The following SPATA22 variants were observed in gnomAD, a reference collection of about 807,000 sequenced individuals.
The protein encoded by SPATA22 is spermatogenesis-associated protein 22.
SPATA22 carries 29 observed loss-of-function variants against 47.8 expected under a neutral mutation model. The ratio of observed to expected loss-of-function variants is 0.61; its 90% CI spans 0.45 to 0.83. SPATA22 has a LOEUF of 0.83. SPATA22 is among the 40% of genes least tolerant of loss of function. The probability of loss-of-function intolerance (pLI) is 0.00; values close to 1 mark genes in which losing one functional copy is unlikely to be tolerated. For missense variants in SPATA22, 410 were observed against 421.7 expected (o/e 0.97, Z 0.24); for synonymous variants, 133 against 140.9 (o/e 0.94, Z 0.40).
intron 6 of SPATA22, among the ~76,000 whole-genome samples, chr17:3,447,606 G>A (rs1055587911): frequency 6.6e-6 from 1 of 152,088 alleles, no homozygotes; most frequent in African/African-American, 2.4e-5. Flanking sequence ...TTACCCCGAT[G>A]GCTTTTTGAA....
At chr17:3,502,518 A>T (rs2074002345) in intron 1 of SPATA22, 1 of 152,244 alleles carries the variant, frequency 6.6e-6, no homozygotes, top group African/African-American at 2.4e-5. Flanking sequence ...AAACTTCAGC[A>T]TTCGTTGCGA....
At chr17:3,458,263 CAAT>C (rs888437990) in intron 5 of SPATA22, among the ~76,000 whole-genome samples, 1 of 152,064 alleles carries the variant, frequency 6.6e-6, no homozygotes, top group Non-Finnish European at 1.5e-5. Flanking sequence ...ATCAAAACTA[CAAT>C]GATATATTAT....
At chr17:3,453,884 A>T (rs1426942799) in intron 5 of SPATA22, among the ~76,000 whole-genome samples, 1 of 152,218 alleles carries the variant, frequency 6.6e-6, no homozygotes, top group Non-Finnish European at 1.5e-5. Flanking sequence ...CCAATCAATT[A>T]GCCAAGAAAA....
Position 3,467,479 on chromosome 17 carries a change from T to C in SPATA22, c.119A>G (p.Asp40Gly), listed in dbSNP as rs1266803039. The C allele has an allele frequency of 1.2e-6, 2 of 1,609,586 alleles. No individual in the cohort carries two copies. Among genetic ancestry groups the C allele is most frequent in the Non-Finnish European group, 1.7e-6 (2 of 1,177,898 alleles). ...QPLTSNPLKD[D>G]SGISTPSDNY... ...GTCAGAAGGGGTACTGATACCTGAATCATCTTTAAGTGGATTAGAAGTTAA... is the reference window on the plus strand; with the variant it reads ...GTCAGAAGGGGTACTGATACCTGAACCATCTTTAAGTGGATTAGAAGTTAA... The change falls in exon 3 of 9, where the codon GAT becomes GGT. Residue 40 changes from aspartate to glycine, a missense_variant. Transcript: ENST00000572969.
chr17:3,464,494 G>A (rs548139219), intron 3 of SPATA22, among the ~76,000 whole-genome samples: 4 of 134,680 alleles, frequency 3.0e-5, no homozygotes, highest in African/African-American at 7.8e-5. Flanking sequence ...TGGAAAGTGA[G>A]GAGTGTCTCT....
chr17:3,449,248 TAGAA>T lies in SPATA22; in HGVS notation c.330-103_330-100del, dbSNP rs1410283445. On this transcript the variant is annotated intron_variant, in intron 5 of 8. Coordinates refer to ENST00000572969, the MANE Select transcript of SPATA22 (RefSeq NM_001170698.2). Reference sequence around the variant, plus strand: ...TTCATTTATATGGCAATTTATGACTTAGAAAGCACTTTATAACTAACTACTGAGA... The same window carrying T: ...TTCATTTATATGGCAATTTATGACTTAGCACTTTATAACTAACTACTGAGA... The T allele has an allele frequency of 4.7e-5, 41 of 864,734 alleles. No homozygotes were observed. In the South Asian group the frequency reaches 7.0e-4, roughly 15 times the overall value. 53.6% of individuals were successfully genotyped at this position (864,734 alleles called of 1,614,324 possible).
intron 5 of SPATA22, among the ~76,000 whole-genome samples, chr17:3,456,075 C>T (rs1170214675): frequency 1.3e-5 from 2 of 152,160 alleles, no homozygotes; most frequent in Non-Finnish European, 2.9e-5. Context: ...TGGGAATTCA[C>T]TCATGATTTG....
At chr17:3,464,552 C>A (rs1252266233) in intron 3 of SPATA22, among the ~76,000 whole-genome samples, 1 of 137,626 alleles carries the variant, frequency 7.3e-6, no homozygotes, top group African/African-American at 2.6e-5. Flanking sequence ...TCTTCCCGGC[C>A]GCCATCCCAT....
At chr17:3,469,741 C>T (rs963939318) in intron 1 of SPATA22, among the ~76,000 whole-genome samples, 1 of 152,144 alleles carries the variant, frequency 6.6e-6, no homozygotes, top group African/African-American at 2.4e-5. Flanking sequence ...TACATGCTTC[C>T]AAGGCCAAGG....
intron 1 of SPATA22, among the ~76,000 whole-genome samples, chr17:3,506,867 G>A (rs1277250631): frequency 6.6e-6 from 1 of 152,162 alleles, no homozygotes; most frequent in East Asian, 1.9e-4. Context: ...CTTGAAGCCG[G>A]GAGGTGGAGG....
chr17:3,461,699 T>A (rs34019142), intron 5 of SPATA22, among the ~76,000 whole-genome samples: 35,478 of 151,940 alleles, frequency 0.23, 4,400 homozygotes, highest in East Asian at 0.42. Flanking sequence ...TTCCCCCTTT[T>A]AAAAAAATAC....
chr17:3,481,844 TTTTAAGTCAATTATGGA>T (rs1240495084), intron 1 of SPATA22: 5 of 1,480,988 alleles, frequency 3.4e-6, no homozygotes, highest in Non-Finnish European at 3.7e-6. Context: ...GGACTTGTAC[TTTTAAGTCAATTATGGA>T]TGTGAGACAA....
chr17:3,503,982 G>C (rs753127208), intron 1 of SPATA22, among the ~76,000 whole-genome samples: 4 of 151,690 alleles, frequency 2.6e-5, no homozygotes, highest in African/African-American at 9.7e-5. Context: ...CTCCCTCCCC[G>C]ACGCCTCCCT....
rs190786411 is a variant in SPATA22, at chr17:3,488,394, C to G, written c.-73-18996G>C. Among the ~76,000 whole-genome samples, 11 of 152,266 alleles carry G rather than the reference C, an allele frequency of 7.2e-5. No individual in the cohort carries two copies. The East Asian group carries it at 2.1e-3, about 29-fold the overall frequency. ...AAACCAGGCCAAGCACGACGGCTCA[C>G]GCCTGTAATCCCAGCATTTGGGGAA... On this transcript the variant is annotated intron_variant, in intron 1 of 8. Coordinates refer to the SPATA22 transcript ENST00000541913. This position sits in a 1 kb window ranked among gnomAD's most constrained non-coding sequence, Gnocchi z 6.1.
chr17:3,494,609 C>T (rs895991660), intron 1 of SPATA22: 5 of 694,404 alleles, frequency 7.2e-6, no homozygotes, highest in African/African-American at 1.8e-5. Flanking sequence ...TTCGGACTGT[C>T]GCTCAATAAA....
At chr17:3,470,029 G>A (rs1386237348) in intron 1 of SPATA22, among the ~76,000 whole-genome samples, 1 of 136,588 alleles carries the variant, frequency 7.3e-6, no homozygotes, top group Non-Finnish European at 1.5e-5. Context: ...AGAGGCCGAG[G>A]TTGCAGTGAG....
At chr17:3,481,345 T>C (rs1398815060) in intron 1 of SPATA22, among the ~76,000 whole-genome samples, 1 of 152,234 alleles carries the variant, frequency 6.6e-6, no homozygotes, top group East Asian at 1.9e-4. Flanking sequence ...CTGTTTGATA[T>C]GTCCTATTCA....
chr17:3,509,625 T>C (rs578130107), intron 1 of SPATA22, among the ~76,000 whole-genome samples: 89 of 152,346 alleles, frequency 5.8e-4, no homozygotes, highest in African/African-American at 2.1e-3. Context: ...GCAATAAACA[T>C]ATATGTGCAT....
chr17:3,479,860 C>T (rs545515296), intron 1 of SPATA22, among the ~76,000 whole-genome samples: 71 of 151,924 alleles, frequency 4.7e-4, no homozygotes, highest in African/African-American at 1.6e-3. Flanking sequence ...TGTGGTTGAA[C>T]GGTTTAATGA....
Sources: allele counts gnomAD v4.1 joint callset (sites outside exome capture counted in the v4.1 genomes callset), GRCh38; gene constraint gnomAD v4.1.1; non-coding constraint Gnocchi (gnomAD v3.1); transcripts MANE v1.5; gene names NCBI Gene and HGNC (gene_info 2026-07-23, HGNC 2026-07-21).